The following BLNK variants were observed in gnomAD, a reference collection of about 807,000 sequenced individuals.
BLNK encodes B cell linker.
Under a neutral mutation model 73.5 loss-of-function variants are expected in BLNK, and 29 were observed. The observed-to-expected ratio is 0.39, with a 90% confidence interval of 0.29 to 0.54. The LOEUF is 0.54. Ranked by LOEUF, BLNK falls within the 20% of genes least tolerant of loss-of-function variation. The probability of loss-of-function intolerance (pLI) is 0.61; values close to 1 mark genes in which losing one functional copy is unlikely to be tolerated. For synonymous variants in BLNK, 176 were observed against 200.8 expected (o/e 0.88, Z 1.04); for missense variants, 460 against 562.8 (o/e 0.82, Z 1.85).
rs1554895983 is a variant in BLNK at position 96,201,000 on chromosome 10, A to T, written c.993T>A (p.Asn331Lys). The change falls in exon 14 of 17, where the codon AAT becomes AAA. Residue 331 changes from asparagine to lysine, a missense_variant. This residue lies in a region of BLNK where 233 missense variants were observed against 232.1 expected (regional missense o/e 1.00). Transcript: ENST00000224337. The surrounding 1 kb of genome is among the most constrained non-coding windows in gnomAD (Gnocchi z 4.3). ...VDGPLPSFSS[N>K]STISEQEAGV... ...TTCATACCTGTTCTGAAATAGTGGA[A>T]TTAGATGAAAAGCTGGGTAGGGGCC... 1 of 1,614,096 alleles carries T rather than the reference A, an allele frequency of 6.2e-7. No individual in the cohort carries two copies. Among genetic ancestry groups the T allele is most frequent in the Non-Finnish European group, 8.5e-7 (1 of 1,179,944 alleles).
chr10:96,190,218 A>G lies in BLNK; in HGVS notation c.*1755T>C. 3.9e-6 allele frequency: 3 copies of G among 763,370 alleles called. No individual in the cohort carries two copies. The highest frequency in any genetic ancestry group is 1.3e-5 in the South Asian group (1 of 74,664). 47.3% of individuals were successfully genotyped at this position (763,370 alleles called of 1,614,324 possible). A position where few individuals can be genotyped will look rare whatever the true frequency, so the allele number is the denominator to read the frequency against. On this transcript the variant is annotated 3_prime_UTR_variant, in exon 17 of 17. Transcript: ENST00000224337. ...CACGTCCATGTCCATCGAATCTTCC[A>G]TCAGGTGGCGGCACACACTTAGGTG...
rs7075831 is a variant in BLNK at position 96,201,199 on chromosome 10, G to T, written c.935-141C>A. ...CTTAAGGCAATGGTTCCAAAAGTGT[G>T]GTCCAAGGACCCCTGGAAATCTCGA... On this transcript the variant is annotated intron_variant, in intron 13 of 16. Coordinates refer to ENST00000224337, the MANE Select transcript of BLNK (RefSeq NM_013314.4). The T allele has an allele frequency of 0.09, 67,091 of 741,534 alleles. 3,683 individuals are homozygous for T. The highest frequency in any genetic ancestry group is 0.15 in the South Asian group (9,457 of 62,330). The allele number at this position is 741,534 out of a possible 1,614,324, so 45.9% of individuals were successfully genotyped here.
chr10:96,193,256 T>G (rs1025454007), intron 16 of BLNK, among the ~76,000 whole-genome samples: 23 of 152,264 alleles, frequency 1.5e-4, no homozygotes, highest in African/African-American at 5.5e-4. Context: ...TTCATTCTGC[T>G]TGTTTGGCAT....
intron 1 of BLNK, 110 bp from the exon 2 acceptor site, chr10:96,247,159 AC>A: frequency 1.4e-6 from 1 of 702,770 alleles, no homozygotes. Flanking sequence ...TACCAAAACA[AC>A]CTCCAAATAG....
At chr10:96,269,804 T>C (rs10736100) in intron 1 of BLNK, among the ~76,000 whole-genome samples, 151,149 of 152,258 alleles carry the variant, frequency 0.99, 75,035 homozygotes, top group Middle Eastern at 1. Flanking sequence ...CTTTAGTTTC[T>C]GCTGGACAGA....
chr10:96,268,005 C>A (rs555636864), intron 1 of BLNK, among the ~76,000 whole-genome samples: 1 of 152,054 alleles, frequency 6.6e-6, no homozygotes, highest in Non-Finnish European at 1.5e-5. Context: ...GTGAGGAAAC[C>A]AAGGAGATTA....
At chr10:96,210,862 C>T (rs587767129) in intron 8 of BLNK, among the ~76,000 whole-genome samples, 3 of 140,334 alleles carry the variant, frequency 2.1e-5, no homozygotes, top group East Asian at 2.0e-4. Flanking sequence ...TCCACAATTC[C>T]GTTTTTTTTT....
intron 1 of BLNK, among the ~76,000 whole-genome samples, chr10:96,253,748 G>A (rs1289300193): frequency 2.6e-5 from 4 of 152,104 alleles, no homozygotes; most frequent in East Asian, 1.9e-4. Flanking sequence ...GGGTGCGATG[G>A]CTCACGCCTG....
intron 6 of BLNK, among the ~76,000 whole-genome samples, chr10:96,219,398 C>T (rs1027716005): frequency 1.4e-4 from 21 of 152,294 alleles, no homozygotes; most frequent in African/African-American, 4.6e-4. Context: ...CTCTTCTAGG[C>T]GTTAGTTCCT....
chr10:96,210,119 A>T (rs1365527820), intron 8 of BLNK: 2 of 619,664 alleles, frequency 3.2e-6, no homozygotes, highest in Non-Finnish European at 5.9e-6. Flanking sequence ...ATAAGCTCAG[A>T]GCTGGGATGG....
At chr10:96,267,245 G>T (rs1844044674) in intron 1 of BLNK, among the ~76,000 whole-genome samples, 1 of 152,132 alleles carries the variant, frequency 6.6e-6, no homozygotes, top group African/African-American at 2.4e-5. Flanking sequence ...CAAACATAGG[G>T]GACATGGGGG....
At chr10:96,217,879 A>G (rs1289204215) in intron 6 of BLNK, among the ~76,000 whole-genome samples, 2 of 152,208 alleles carry the variant, frequency 1.3e-5, no homozygotes, top group African/African-American at 4.8e-5. Flanking sequence ...CCTAACCCAA[A>G]GCCATAAAGA....
intron 4 of BLNK, among the ~76,000 whole-genome samples, chr10:96,228,963 G>A (rs1842386285): frequency 7.2e-6 from 1 of 138,624 alleles, no homozygotes; most frequent in Non-Finnish European, 1.7e-5. Flanking sequence ...GGGGTACATA[G>A]TAGGTATATA....
rs1554893140 is a variant in BLNK, at chr10:96,190,568, G to A, written c.*1405C>T. Among the ~76,000 whole-genome samples the A allele has an allele frequency of 6.6e-6, 1 of 152,184 alleles. No individual in the cohort carries two copies. The highest frequency in any genetic ancestry group is 2.4e-5 in the African/African-American group (1 of 41,442). On this transcript the variant is annotated 3_prime_UTR_variant, in exon 17 of 17. Transcript: ENST00000224337. The stretch of plus-strand genomic sequence containing the variant: ...TGTAACATAGGTGGCAATTATGAAA[G>A]TTTATGACATTTAAATATACAATTA...
intron 1 of BLNK, among the ~76,000 whole-genome samples, chr10:96,264,360 TAGTG>T (rs1336275389): frequency 1.3e-5 from 2 of 152,108 alleles, no homozygotes; most frequent in Non-Finnish European, 2.9e-5. Flanking sequence ...AAGGCCTCCT[TAGTG>T]AGGCTCTGTC....
intron 16 of BLNK, among the ~76,000 whole-genome samples, chr10:96,194,919 C>T (rs369410387): frequency 0.014 from 2,086 of 151,292 alleles, 18 homozygotes; most frequent in Middle Eastern, 0.031. Context: ...TACAGGCACG[C>T]GCCACCATGC....
In BLNK at chr10:96,224,009, A is replaced by G. The variant is rs782593373; in HGVS notation, c.362-20T>C. ...GATTGTCTTGAAAGGAACAAACAAA[A>G]AACATAACATAAAAGAGGCTCTGGA... On this transcript the variant is annotated intron_variant, in intron 5 of 16. Coordinates refer to ENST00000224337, the MANE Select transcript of BLNK (RefSeq NM_013314.4). 3 of 1,612,334 alleles carry G rather than the reference A, an allele frequency of 1.9e-6. No individual in the cohort carries two copies. Among genetic ancestry groups the G allele is most frequent in the Non-Finnish European group, 2.5e-6 (3 of 1,179,966 alleles).
chr10:96,271,499 G>A lies in BLNK; in HGVS notation c.-101C>T, dbSNP rs920075005. 1.9e-5 allele frequency: 24 copies of A among 1,252,462 alleles called. No homozygotes were observed. The highest frequency in any genetic ancestry group is 2.6e-5 in the Non-Finnish European group (22 of 853,866). The allele number at this position is 1,252,462 out of a possible 1,614,324, so 77.6% of individuals were successfully genotyped here. ...AGCATGGTAAGCCTCTGGTCTCAAGGGTTCCGGCCACTCAAGTCTGATTTC... is the reference window on the plus strand; with the variant it reads ...AGCATGGTAAGCCTCTGGTCTCAAGAGTTCCGGCCACTCAAGTCTGATTTC... On this transcript the variant is annotated 5_prime_UTR_variant, in exon 1 of 17. Coordinates refer to ENST00000224337, the MANE Select transcript of BLNK (RefSeq NM_013314.4).
intron 8 of BLNK, 103 bp downstream of exon 8, chr10:96,215,218 A>G (rs1382937509): frequency 3.1e-6 from 4 of 1,301,552 alleles, no homozygotes; most frequent in Admixed American, 1.7e-5. Context: ...TCTGTTCCCA[A>G]TATTAAGACA....
Sources: gnomAD v4.1 joint callset for allele counts (sites outside exome capture counted in the v4.1 genomes callset) on GRCh38, gnomAD v4.1.1 for gene constraint, gnomAD v4.1.1 regional missense constraint, Gnocchi (gnomAD v3.1) non-coding constraint, MANE v1.5 for transcripts, NCBI Gene and HGNC (gene_info 2026-07-23, HGNC 2026-07-21) for gene names.